The following SGCZ variants were observed in gnomAD, a reference collection of about 807,000 sequenced individuals.
SGCZ encodes sarcoglycan zeta.
Under a neutral mutation model 41.3 loss-of-function variants are expected in SGCZ, and 40 were observed. That is an observed-to-expected ratio of 0.97 (90% CI 0.75 to 1.26). SGCZ has a LOEUF of 1.26. Ranked by LOEUF, SGCZ falls within the 50% of genes most tolerant of loss-of-function variation. SGCZ has a pLI of 0.00. For synonymous variants in SGCZ, 206 were observed against 137.5 expected (o/e 1.50, Z -3.49); for missense variants, 552 against 369.8 (o/e 1.49, Z -4.04).
chr8:14,731,937 A>G (rs956610190), intron 1 of SGCZ, among the ~76,000 whole-genome samples: 4 of 152,130 alleles, frequency 2.6e-5, no homozygotes, highest in Non-Finnish European at 5.9e-5. Context: ...TATCTATCAC[A>G]AGACTCTTCC....
intron 1 of SGCZ, among the ~76,000 whole-genome samples, chr8:14,816,767 T>C (rs922795215): frequency 6.6e-6 from 1 of 152,204 alleles, no homozygotes; most frequent in Admixed American, 6.5e-5. Context: ...TATATATGTT[T>C]ATAGCCTTAA....
At chr8:14,375,572 A>T (rs990931015) in intron 2 of SGCZ, among the ~76,000 whole-genome samples, 2 of 152,194 alleles carry the variant, frequency 1.3e-5, no homozygotes, top group African/African-American at 2.4e-5. Flanking sequence ...TAATAACAGA[A>T]TTTTTAAAAG....
intron 4 of SGCZ, among the ~76,000 whole-genome samples, chr8:14,167,917 G>C (rs1007432205): frequency 6.6e-6 from 1 of 152,048 alleles, no homozygotes; most frequent in African/African-American, 2.4e-5. Flanking sequence ...ACATGAATTG[G>C]AAATTTTTCT....
intron 1 of SGCZ, among the ~76,000 whole-genome samples, chr8:14,909,636 T>C (rs117042197): frequency 0.017 from 2,527 of 152,234 alleles, 106 homozygotes; most frequent in Admixed American, 0.097. Flanking sequence ...TAGTAAATAA[T>C]ATGTCAAATT....
chr8:14,945,849 G>C (rs1429446891), intron 1 of SGCZ, among the ~76,000 whole-genome samples: 2 of 150,662 alleles, frequency 1.3e-5, no homozygotes, highest in Non-Finnish European at 3.0e-5. Flanking sequence ...CACACCTTCT[G>C]CTTCAAATTC....
chr8:14,625,564 C>T (rs1806427102), intron 1 of SGCZ, among the ~76,000 whole-genome samples: 1 of 152,008 alleles, frequency 6.6e-6, no homozygotes, highest in Admixed American at 6.6e-5. Context: ...AACATTATTT[C>T]AAAAGTAGTG....
chr8:15,084,891 C>T (rs1805893375), intron 1 of SGCZ, among the ~76,000 whole-genome samples: 1 of 152,160 alleles, frequency 6.6e-6, no homozygotes, highest in South Asian at 2.1e-4. Flanking sequence ...AAGTTGAAGA[C>T]TGACTTTATC....
At chr8:14,778,343 C>T (rs1208506355) in intron 1 of SGCZ, among the ~76,000 whole-genome samples, 2 of 152,128 alleles carry the variant, frequency 1.3e-5, no homozygotes, top group Admixed American at 6.6e-5. Context: ...GGACACTGGT[C>T]ACTTGAGGAC....
intron 2 of SGCZ, among the ~76,000 whole-genome samples, chr8:14,325,054 G>C (rs1442006141): frequency 6.6e-6 from 1 of 152,114 alleles, no homozygotes; most frequent in Non-Finnish European, 1.5e-5. Flanking sequence ...CCGGAGAAAG[G>C]AAAGCCATAC....
At chr8:14,605,416 T>G (rs1805717303) in intron 1 of SGCZ, among the ~76,000 whole-genome samples, 1 of 152,130 alleles carries the variant, frequency 6.6e-6, no homozygotes, top group African/African-American at 2.4e-5. Flanking sequence ...ACAATCGAAT[T>G]ACACTCTTTT....
chr8:14,226,292 C>T (rs1806370709), intron 4 of SGCZ, among the ~76,000 whole-genome samples: 2 of 151,958 alleles, frequency 1.3e-5, no homozygotes, highest in Admixed American at 1.3e-4. Flanking sequence ...TTCTGTGAAT[C>T]CTAACACATG....
rs1799191086 is a variant in SGCZ, at chr8:14,248,781, G to A, written c.337-11102C>T. ...TTTTTTTTCTCCTAAAATCTGCTTG[G>A]ATTATGAGGGGTTTTAAATATCTGG... On this transcript the variant is annotated intron_variant, in intron 3 of 7. Transcript: ENST00000382080. 2.0e-5 allele frequency among the ~76,000 whole-genome samples: 3 copies of A among 151,710 alleles called. No individual in the cohort carries two copies. In the South Asian group the frequency reaches 6.2e-4, roughly 32 times the overall value.
intron 3 of SGCZ, among the ~76,000 whole-genome samples, chr8:14,251,830 C>T (rs1183325618): frequency 6.6e-6 from 1 of 152,100 alleles, no homozygotes; most frequent in African/African-American, 2.4e-5. Flanking sequence ...GTTCTCCTGC[C>T]TCAGCCTCCT....
chr8:14,535,648 T>A (rs1392311603), intron 2 of SGCZ, among the ~76,000 whole-genome samples: 1 of 151,922 alleles, frequency 6.6e-6, no homozygotes, highest in African/African-American at 2.4e-5. Flanking sequence ...TAGATTTACA[T>A]AAGTCACTTA....
intron 2 of SGCZ, among the ~76,000 whole-genome samples, chr8:14,373,232 GC>G (rs1483708287): frequency 2.0e-5 from 3 of 152,122 alleles, no homozygotes; most frequent in Non-Finnish European, 4.4e-5. Flanking sequence ...TTAGCAACTG[GC>G]AAAAGACCGT....
In SGCZ at chr8:14,329,738, G is replaced by A. The variant is rs542094407; in HGVS notation, c.235-5534C>T. ...ATTATAAAACAGACTCTTCCAGTGT[G>A]CCCCAACCCCCTCCTTTAGAATGAA... On this transcript the variant is annotated intron_variant, in intron 2 of 7. Coordinates refer to ENST00000382080, the MANE Select transcript of SGCZ (RefSeq NM_139167.4). Among the ~76,000 whole-genome samples, 296 of 152,224 alleles carry A rather than the reference G, an allele frequency of 1.9e-3. 3 individuals carry two copies. Among genetic ancestry groups the A allele is most frequent in the African/African-American group, 6.7e-3 (277 of 41,538 alleles).
chr8:14,917,913 A>G (rs994607334), intron 1 of SGCZ, among the ~76,000 whole-genome samples: 2 of 152,176 alleles, frequency 1.3e-5, no homozygotes, highest in Non-Finnish European at 2.9e-5. Flanking sequence ...GTTTTCAGTT[A>G]TATTACATCA....
intron 1 of SGCZ, among the ~76,000 whole-genome samples, chr8:14,795,497 CA>C (rs1407523626): frequency 3.3e-5 from 5 of 151,944 alleles, no homozygotes; most frequent in African/African-American, 1.2e-4. Context: ...TGCTGGAGTA[CA>C]GTGGTGAAGT....
At chr8:15,034,510 G>A (rs1803799258) in intron 1 of SGCZ, among the ~76,000 whole-genome samples, 1 of 152,112 alleles carries the variant, frequency 6.6e-6, no homozygotes, top group Admixed American at 6.6e-5. Flanking sequence ...AGTTTAAGGA[G>A]AAGAGAGAAA....
Sources: gnomAD v4.1 joint callset for allele counts (sites outside exome capture counted in the v4.1 genomes callset) on GRCh38, gnomAD v4.1.1 for gene constraint, MANE v1.5 for transcripts, NCBI Gene and HGNC (gene_info 2026-07-23, HGNC 2026-07-21) for gene names.